The following FBXO28 variants were observed in gnomAD, a reference collection of about 807,000 sequenced individuals.
The protein encoded by FBXO28 is F-box protein 28, also known as F-box only protein 28.
In FBXO28, 8 loss-of-function variants were observed where a neutral mutation model predicts 38.1. The observed-to-expected ratio is 0.21, with a 90% CI of 0.12 to 0.38. The LOEUF (loss-of-function observed/expected upper bound fraction) is 0.38, where lower values mean the gene tolerates loss of function less well. Among genes scored for constraint, FBXO28 ranks in the 10% least tolerant of loss-of-function variants. The pLI, the probability that FBXO28 is intolerant of heterozygous loss-of-function variation, is 1.00. For synonymous variants in FBXO28, 168 were observed against 173.8 expected, an observed-to-expected ratio of 0.97 and a Z score of 0.26; for missense variants, 345 against 460.6, an observed-to-expected ratio of 0.75 and a Z score of 2.30.
intron 3 of FBXO28, among the ~76,000 whole-genome samples, chr1:224,149,272 ATCTTT>A (rs1657583822): frequency 1.1e-5 from 1 of 92,520 alleles, no homozygotes. Context: ...AAACCATATA[ATCTTT>A]TTTTTTTTTT....
rs1466386956 is a variant in FBXO28, at chr1:224,117,625, T to C, written c.267+3229T>C. Among the ~76,000 whole-genome samples, 3 of 152,066 alleles carry C rather than the reference T, an allele frequency of 2.0e-5. No individual in the cohort carries two copies. In the South Asian group the frequency reaches 6.2e-4, roughly 31 times the overall value. On this transcript the variant is annotated intron_variant, in intron 1 of 4. Coordinates refer to ENST00000366862, the MANE Select transcript of FBXO28 (RefSeq NM_015176.4). Reference sequence around the variant, plus strand: ...TGTTTTTCCAGTAAAACAGAGAAATTTGTGCTGATGCAGCATTAGTATGTC... The same window carrying C: ...TGTTTTTCCAGTAAAACAGAGAAATCTGTGCTGATGCAGCATTAGTATGTC...
intron 3 of FBXO28, among the ~76,000 whole-genome samples, chr1:224,144,618 C>T (rs747085443): frequency 5.3e-5 from 8 of 151,114 alleles, no homozygotes; most frequent in South Asian, 2.1e-4. Context: ...ATTAGCTGGG[C>T]GTGGGTGTGT....
At chr1:224,115,246 T>A (rs1008723498) in intron 1 of FBXO28, among the ~76,000 whole-genome samples, 1 of 152,220 alleles carries the variant, frequency 6.6e-6, no homozygotes, top group Non-Finnish European at 1.5e-5. Flanking sequence ...GAAGATGTGG[T>A]GATTGTTAGT....
In FBXO28 at chr1:224,161,495, A is replaced by T. The variant is rs936184860; in HGVS notation, c.*3749A>T. On this transcript the variant is annotated 3_prime_UTR_variant, in exon 5 of 5. Coordinates refer to ENST00000366862, the MANE Select transcript of FBXO28 (RefSeq NM_015176.4). ...GTTCTTTGACTTGGGATCTATCTGA[A>T]TTGCTTTCACTAGTACACAAAAGGT... 1.3e-4 allele frequency: 20 copies of T among 152,336 alleles called. No homozygotes were observed. Among genetic ancestry groups the T allele is most frequent in the African/African-American group, 3.6e-4 (15 of 41,578 alleles). The allele number at this position is 152,336 out of a possible 1,614,324, so 9.4% of individuals were successfully genotyped here.
rs1485630391 is a variant in FBXO28, at chr1:224,157,880, T to G, written c.*134T>G. On this transcript the variant is annotated 3_prime_UTR_variant, in exon 5 of 5. Transcript: ENST00000366862. ...CAGAACACAACTTAAACTTGAACTCTTATGGTTGGGACATTCTTTTCCTGC... is the reference window on the plus strand; with the variant it reads ...CAGAACACAACTTAAACTTGAACTCGTATGGTTGGGACATTCTTTTCCTGC... 1.4e-6 allele frequency: 2 copies of G among 1,434,308 alleles called. No homozygotes were observed. Among genetic ancestry groups the G allele is most frequent in the African/African-American group, 2.9e-5 (2 of 69,672 alleles). 88.8% of individuals were successfully genotyped at this position (1,434,308 alleles called of 1,614,324 possible).
chr1:224,114,988 A>C (rs1315393691), intron 1 of FBXO28, among the ~76,000 whole-genome samples: 2 of 152,070 alleles, frequency 1.3e-5, no homozygotes, highest in African/African-American at 4.8e-5. Flanking sequence ...GCCCTAATTG[A>C]CCACTAAAGT....
rs952262801 is a variant in FBXO28, at chr1:224,114,176, G to A, written c.47G>A (p.Gly16Asp). 1 of 1,547,116 alleles carries A rather than the reference G, an allele frequency of 6.5e-7. No homozygotes were observed. The highest frequency in any genetic ancestry group is 8.7e-7 in the Non-Finnish European group (1 of 1,145,762). ...CGGATGGCAGAGGAAGGAGGCGGCG[G>A]CCAAGGCGACGGCGGTTCCTCTTTG... ...EERMAEEGGG[G>D]QGDGGSSLAS... is the part of the protein sequence containing the mutation. Residue 16 changes from glycine (G) to aspartate (D), a missense_variant, in exon 1 of 5, where the codon GGC becomes GAC. Gly to Asp is a moderately conservative substitution (Grantham distance 94). This residue lies in a region of FBXO28 where 104 missense variants were observed against 82.0 expected (regional missense o/e 1.27). Coordinates refer to ENST00000366862, the MANE Select transcript of FBXO28 (RefSeq NM_015176.4).
chr1:224,136,833 C>G (rs12751661), intron 3 of FBXO28, among the ~76,000 whole-genome samples: 1 of 151,540 alleles, frequency 6.6e-6, no homozygotes, highest in African/African-American at 2.4e-5. Context: ...CTCACCGCAA[C>G]CTCTGCCACC....
intron 3 of FBXO28, among the ~76,000 whole-genome samples, chr1:224,135,622 AAAAAAAAAAAAAAG>A (rs1248659974): frequency 1.5e-3 from 201 of 132,092 alleles, no homozygotes; most frequent in African/African-American, 5.1e-3. Context: ...AAAAAAAAAA[AAAAAAAAAAAAAAG>A]AAAAAGAAAA....
At chr1:224,148,616 C>T (rs1349287348) in intron 3 of FBXO28, among the ~76,000 whole-genome samples, 6 of 151,306 alleles carry the variant, frequency 4.0e-5, no homozygotes, top group Non-Finnish European at 5.9e-5. Context: ...GAGCCAAGAT[C>T]GCACCACCGC....
rs1436837487 is a variant in FBXO28, at chr1:224,153,078, GT to G, written c.517-61del. 6.7e-6 allele frequency: 9 copies of G among 1,352,246 alleles called. No homozygotes were observed. The African/African-American group carries it at 1.2e-4, about 18-fold the overall frequency. The allele number at this position is 1,352,246 out of a possible 1,614,324, so 83.8% of individuals were successfully genotyped here. On this transcript the variant is annotated intron_variant, in intron 3 of 4. Coordinates refer to ENST00000366862, the MANE Select transcript of FBXO28 (RefSeq NM_015176.4). ...AAAACAAGCAGTTACTTCTCTGCCTGTTTAGCTATTTTCTTTATTAAAAAAG... is the reference window on the plus strand; with the variant it reads ...AAAACAAGCAGTTACTTCTCTGCCTGTTAGCTATTTTCTTTATTAAAAAAG...
chr1:224,130,558 A>G lies in FBXO28; in HGVS notation c.354A>G (p.Lys118=), dbSNP rs767070974. Residue 118 remains lysine (K), a synonymous_variant, in exon 2 of 5, where the codon AAA becomes AAG. Coordinates refer to ENST00000366862, the MANE Select transcript of FBXO28 (RefSeq NM_015176.4). ...KVERYHNLCQ[K]QVKAQLPRRE... ...AGAGGTACCATAATCTATGTCAGAA[A>G]CAAGTTAAAGCACAACTCCCAAGGT... 1.1e-5 allele frequency: 17 copies of G among 1,613,248 alleles called. No individual in the cohort carries two copies. Among genetic ancestry groups the G allele is most frequent in the Admixed American group, 1.7e-5 (1 of 59,994 alleles).
intron 4 of FBXO28, among the ~76,000 whole-genome samples, chr1:224,155,731 C>A (rs1383573046): frequency 6.6e-6 from 1 of 152,184 alleles, no homozygotes; most frequent in Non-Finnish European, 1.5e-5. Context: ...AGTAATAAAG[C>A]CTACACATCT....
intron 3 of FBXO28, among the ~76,000 whole-genome samples, chr1:224,146,702 ATTTTTTT>A (rs5781350): frequency 2.1e-4 from 23 of 110,324 alleles, no homozygotes; most frequent in Admixed American, 7.5e-4. Context: ...TAAAACTAAA[ATTTTTTT>A]TTTTTTTTTT....
chr1:224,124,317 C>A (rs6658494), intron 1 of FBXO28, among the ~76,000 whole-genome samples: 62,351 of 152,088 alleles, frequency 0.41, 12,982 homozygotes, highest in East Asian at 0.57. Flanking sequence ...CAAGCTATAT[C>A]TTTGTTCTTC....
At chr1:224,122,551 G>C (rs1656802834) in intron 1 of FBXO28, among the ~76,000 whole-genome samples, 1 of 150,200 alleles carries the variant, frequency 6.7e-6, no homozygotes, top group Non-Finnish European at 1.5e-5. Context: ...CTCTAATCTA[G>C]AACATTGTCC....
At chr1:224,114,491 G>A in intron 1 of FBXO28, 95 bp downstream of exon 1, 1 of 1,109,778 alleles carries the variant, frequency 9.0e-7, no homozygotes, top group Non-Finnish European at 1.3e-6. Context: ...AGCCCCCCGC[G>A]AGCCCCAGCC....
intron 1 of FBXO28, 65 bp from the exon 2 acceptor site, chr1:224,130,407 G>A: frequency 2.9e-6 from 3 of 1,042,744 alleles, no homozygotes; most frequent in Admixed American, 1.7e-5. Flanking sequence ...TAAGCCATCA[G>A]TTATGAGTCT....
At chr1:224,134,749 TA>T (rs1657135018) in intron 3 of FBXO28, among the ~76,000 whole-genome samples, 1 of 152,222 alleles carries the variant, frequency 6.6e-6, no homozygotes, top group Non-Finnish European at 1.5e-5. Context: ...ACTAAGTTAA[TA>T]AAAACTCCAA....
Sources: gnomAD v4.1 joint callset for allele counts (sites outside exome capture counted in the v4.1 genomes callset) on GRCh38, gnomAD v4.1.1 for gene constraint, gnomAD v4.1.1 regional missense constraint, MANE v1.5 for transcripts, NCBI Gene and HGNC (gene_info 2026-07-23, HGNC 2026-07-21) for gene names.